The following COP1 variants were observed in gnomAD, a reference collection of about 807,000 sequenced individuals.
COP1 encodes the protein COP1 E3 ubiquitin ligase.
In COP1, 24 loss-of-function variants were observed where a neutral mutation model predicts 101.3. That is an observed-to-expected ratio of 0.24 (90% CI 0.17 to 0.33). COP1 has a LOEUF of 0.33. Ranked by LOEUF, COP1 falls within the 10% of genes least tolerant of loss-of-function variation. The pLI is 1.00. For synonymous variants in COP1, 347 were observed against 341.9 expected (o/e 1.01, Z -0.17); for missense variants, 663 against 906.2 (o/e 0.73, Z 3.45).
At chr1:176,151,256 A>G (rs998756773) in intron 5 of COP1, among the ~76,000 whole-genome samples, 1 of 151,174 alleles carries the variant, frequency 6.6e-6, no homozygotes. Flanking sequence ...AGAAAGAAAG[A>G]GAGAAAGAAA....
intron 5 of COP1, among the ~76,000 whole-genome samples, chr1:176,152,128 A>C (rs1692707799): frequency 6.6e-6 from 1 of 152,024 alleles, no homozygotes; most frequent in South Asian, 2.1e-4. Flanking sequence ...CCATCTCTAC[A>C]AAAAATTCAA....
rs149207396 is a variant in COP1, at chr1:176,195,837, G to A, written c.407+10735C>T. ...CTTTTAAGTGGGAGCTACACACTGG[G>A]TACACACAGACACAAAGATGGGAAC... is the stretch of plus-strand genomic sequence containing the variant. On this transcript the variant is annotated intron_variant, in intron 1 of 19. Coordinates refer to ENST00000367669, the MANE Select transcript of COP1 (RefSeq NM_022457.7). Among the ~76,000 whole-genome samples the A allele has an allele frequency of 2.6e-3, 400 of 152,234 alleles. 3 individuals carry two copies. Among genetic ancestry groups the A allele is most frequent in the African/African-American group, 9.2e-3 (382 of 41,540 alleles).
intron 5 of COP1, among the ~76,000 whole-genome samples, chr1:176,152,570 C>T (rs538416963): frequency 6.6e-6 from 1 of 152,204 alleles, no homozygotes; most frequent in South Asian, 2.1e-4. Context: ...GCCTCGGCCT[C>T]CCAAGTAGCT....
intron 8 of COP1, chr1:176,133,976 C>A (rs1689385942): frequency 2.4e-6 from 1 of 425,294 alleles, no homozygotes; most frequent in Non-Finnish European, 4.7e-6. Flanking sequence ...AGAAAATCGG[C>A]TGAATTACAC....
At chr1:176,059,468 GTTTGCAAAATC>G in intron 11 of COP1, among the ~76,000 whole-genome samples, 1 of 151,756 alleles carries the variant, frequency 6.6e-6, no homozygotes, top group Non-Finnish European at 1.5e-5. Flanking sequence ...TAGTTAGGGA[GTTTGCAAAATC>G]TTTTTTCTTT....
At chr1:176,035,022 G>A (rs1669244926) in intron 14 of COP1, among the ~76,000 whole-genome samples, 1 of 152,048 alleles carries the variant, frequency 6.6e-6, no homozygotes, top group African/African-American at 2.4e-5. Flanking sequence ...TATTCAAAAT[G>A]GCTAAGAGAC....
At chr1:176,143,070 A>G (rs568639838) in intron 6 of COP1, among the ~76,000 whole-genome samples, 2 of 151,982 alleles carry the variant, frequency 1.3e-5, no homozygotes, top group South Asian at 4.2e-4. Context: ...GTTATTAGAA[A>G]AAAACCCATA....
intron 18 of COP1, among the ~76,000 whole-genome samples, chr1:175,963,341 T>G (rs898386881): frequency 6.6e-6 from 1 of 152,150 alleles, no homozygotes; most frequent in Admixed American, 6.6e-5. Context: ...CCATCCTACT[T>G]AGACACTTTA....
chr1:176,156,423 T>C (rs1174841863), intron 5 of COP1, among the ~76,000 whole-genome samples: 1 of 152,110 alleles, frequency 6.6e-6, no homozygotes, highest in African/African-American at 2.4e-5. Flanking sequence ...TACCATGGTG[T>C]AGACTCAAAC....
intron 5 of COP1, among the ~76,000 whole-genome samples, chr1:176,157,097 CT>C (rs1047868691): frequency 3.3e-5 from 5 of 151,978 alleles, no homozygotes; most frequent in Admixed American, 2.6e-4. Context: ...ACTTGGGAGG[CT>C]GAGGCAGGAG....
intron 9 of COP1, among the ~76,000 whole-genome samples, chr1:176,104,517 AATAAGT>A (rs1266777511): frequency 2.0e-5 from 3 of 152,178 alleles, no homozygotes; most frequent in Non-Finnish European, 2.9e-5. Context: ...ACTACTCACT[AATAAGT>A]ATATTAGTAA....
chr1:175,982,832 C>G (rs1656186891), intron 18 of COP1, among the ~76,000 whole-genome samples: 1 of 152,048 alleles, frequency 6.6e-6, no homozygotes. Flanking sequence ...AAATTGAACT[C>G]AGAGAAATAG....
intron 2 of COP1, among the ~76,000 whole-genome samples, chr1:176,177,775 A>G (rs71645274): frequency 1.3e-5 from 2 of 151,638 alleles, no homozygotes; most frequent in African/African-American, 2.4e-5. Flanking sequence ...TTAACAAAAT[A>G]CAAAATAAAA....
chr1:176,142,592 T>A (rs1690874810), intron 6 of COP1, among the ~76,000 whole-genome samples: 1 of 151,916 alleles, frequency 6.6e-6, no homozygotes, highest in Non-Finnish European at 1.5e-5. Context: ...CTGCAGAAAA[T>A]GCATTCTTTT....
At chr1:176,071,037 CT>C (rs764121264) in intron 11 of COP1, among the ~76,000 whole-genome samples, 26 of 152,162 alleles carry the variant, frequency 1.7e-4, no homozygotes, top group Non-Finnish European at 3.5e-4. Flanking sequence ...TAGATATTGA[CT>C]GACAGAGTTT....
chr1:176,029,388 A>G (rs1454939451), intron 14 of COP1, among the ~76,000 whole-genome samples: 1 of 152,216 alleles, frequency 6.6e-6, no homozygotes, highest in South Asian at 2.1e-4. Context: ...AGAAGCAGAA[A>G]ATGAGTTGCC....
chr1:176,084,343 C>T (rs547356549), intron 10 of COP1, among the ~76,000 whole-genome samples: 12 of 152,126 alleles, frequency 7.9e-5, no homozygotes, highest in East Asian at 5.8e-4. Flanking sequence ...CTTTTTCCAA[C>T]GAAATAAGAG....
At chr1:176,168,550 G>C (rs1695527913) in intron 3 of COP1, 1 of 152,466 alleles carries the variant, frequency 6.6e-6, no homozygotes, top group South Asian at 2.0e-4. Flanking sequence ...AAGCAAGCAG[G>C]CAAGCAAGGG....
chr1:176,051,682 G>C (rs1343901471), intron 11 of COP1, among the ~76,000 whole-genome samples: 1 of 152,130 alleles, frequency 6.6e-6, no homozygotes, highest in Non-Finnish European at 1.5e-5. Context: ...GTGTGTTACT[G>C]GCACTGAAGA....
Sources: gnomAD v4.1 joint callset for allele counts (sites outside exome capture counted in the v4.1 genomes callset) on GRCh38, gnomAD v4.1.1 for gene constraint, MANE v1.5 for transcripts, NCBI Gene and HGNC (gene_info 2026-07-23, HGNC 2026-07-21) for gene names.